The following LRBA variants were observed in gnomAD, a reference collection of about 807,000 sequenced individuals.
The protein encoded by LRBA is lipopolysaccharide-responsive and beige-like anchor protein.
LRBA carries 176 observed loss-of-function variants against 330.0 expected under a neutral mutation model. That is an observed-to-expected ratio of 0.53 (90% CI 0.47 to 0.60). The LOEUF is 0.60. LRBA is among the 20% of genes least tolerant of loss of function. The probability of loss-of-function intolerance (pLI) is 0.00; values close to 1 mark genes in which losing one functional copy is unlikely to be tolerated. For synonymous variants in LRBA, 1,230 were observed against 1,193.0 expected (o/e 1.03, Z -0.64); for missense variants, 3,259 against 3,444.8 (o/e 0.95, Z 1.35).
At chr4:150,712,957 G>A (rs1786378907) in intron 36 of LRBA, among the ~76,000 whole-genome samples, 1 of 152,114 alleles carries the variant, frequency 6.6e-6, no homozygotes, top group South Asian at 2.1e-4. Flanking sequence ...TGTGTTTTGA[G>A]ATAGGGCTTT....
At chr4:150,584,138 C>T (rs1283722806) in intron 40 of LRBA, 2 of 1,504,160 alleles carry the variant, frequency 1.3e-6, no homozygotes, top group Non-Finnish European at 1.8e-6. Flanking sequence ...AAAAGCGACA[C>T]AAACGGGCGT....
chr4:150,696,587 C>G (rs1386866613), intron 36 of LRBA, among the ~76,000 whole-genome samples: 1 of 152,158 alleles, frequency 6.6e-6, no homozygotes, highest in Admixed American at 6.5e-5. Context: ...TAGTCCCTGT[C>G]TTCCAGCATC....
intron 46 of LRBA, among the ~76,000 whole-genome samples, chr4:150,428,094 T>C (rs1381031501): frequency 6.6e-6 from 1 of 152,040 alleles, no homozygotes; most frequent in Admixed American, 6.6e-5. Flanking sequence ...TTTAAAACTT[T>C]TTAAGGGTTA....
intron 33 of LRBA, among the ~76,000 whole-genome samples, chr4:150,805,076 T>C (rs1742362608): frequency 6.6e-6 from 1 of 152,074 alleles, no homozygotes; most frequent in Admixed American, 6.6e-5. Context: ...ATCTGTTTTC[T>C]GAGGAAATTT....
At chr4:150,719,850 C>T (rs901173910) in intron 36 of LRBA, among the ~76,000 whole-genome samples, 1 of 152,064 alleles carries the variant, frequency 6.6e-6, no homozygotes, top group Non-Finnish European at 1.5e-5. Context: ...GAAGTAAACT[C>T]GACTCTACTC....
At chr4:150,869,682 C>A (rs181978633) in intron 20 of LRBA, among the ~76,000 whole-genome samples, 1 of 151,952 alleles carries the variant, frequency 6.6e-6, no homozygotes, top group African/African-American at 2.4e-5. Flanking sequence ...GCACAAGACT[C>A]GGTCTCTAAA....
chr4:150,652,601 T>C (rs1044273444), intron 37 of LRBA, among the ~76,000 whole-genome samples: 1 of 152,194 alleles, frequency 6.6e-6, no homozygotes, highest in African/African-American at 2.4e-5. Context: ...CAGATAAAAT[T>C]AATTCTAATA....
intron 37 of LRBA, among the ~76,000 whole-genome samples, chr4:150,623,040 T>C (rs1465010453): frequency 6.6e-6 from 1 of 152,114 alleles, no homozygotes; most frequent in African/African-American, 2.4e-5. Flanking sequence ...CCCTTACTTC[T>C]GCTGGGCTGC....
intron 4 of LRBA, among the ~76,000 whole-genome samples, chr4:150,926,904 C>T (rs1361156597): frequency 2.6e-5 from 4 of 151,666 alleles, no homozygotes; most frequent in South Asian, 2.1e-4. Context: ...AACCCTGTCT[C>T]TACTAAAAAT....
chr4:150,971,039 A>G (rs766402015), intron 2 of LRBA, among the ~76,000 whole-genome samples: 6 of 152,204 alleles, frequency 3.9e-5, no homozygotes, highest in Non-Finnish European at 5.9e-5. Context: ...GATTCCATGC[A>G]AGATACTGCC....
intron 37 of LRBA, among the ~76,000 whole-genome samples, chr4:150,635,695 T>A (rs1042990213): frequency 6.6e-6 from 1 of 152,174 alleles, no homozygotes; most frequent in African/African-American, 2.4e-5. Flanking sequence ...AAACAAGGAC[T>A]TTGTTCTACA....
chr4:150,636,663 A>C (rs755334692), intron 37 of LRBA, among the ~76,000 whole-genome samples: 3 of 152,106 alleles, frequency 2.0e-5, no homozygotes, highest in Non-Finnish European at 4.4e-5. Context: ...ACGATGGCTC[A>C]TGCCCGTAAT....
At chr4:150,860,627 A>C (rs1751782938) in intron 22 of LRBA, among the ~76,000 whole-genome samples, 1 of 152,074 alleles carries the variant, frequency 6.6e-6, no homozygotes, top group Admixed American at 6.6e-5. Context: ...GGAGATCGAG[A>C]CCATCCTGGC....
intron 37 of LRBA, among the ~76,000 whole-genome samples, chr4:150,675,794 CAGTA>C (rs746189715): frequency 5.9e-5 from 9 of 152,136 alleles, no homozygotes; most frequent in South Asian, 2.1e-4. Flanking sequence ...ATTAATTGCT[CAGTA>C]AGTATCACCT....
At chr4:150,691,187 C>T (rs1402912501) in intron 36 of LRBA, among the ~76,000 whole-genome samples, 1 of 152,030 alleles carries the variant, frequency 6.6e-6, no homozygotes, top group Admixed American at 6.6e-5. Flanking sequence ...GCCTTGGCCT[C>T]CCAAAGTGCT....
chr4:150,624,858 T>G (rs972120424), intron 37 of LRBA, among the ~76,000 whole-genome samples: 16 of 152,178 alleles, frequency 1.1e-4, no homozygotes, highest in African/African-American at 3.9e-4. Flanking sequence ...TTTTAAAATG[T>G]CAAACACATT....
chr4:150,987,127 CAATT>C (rs2149617212), intron 2 of LRBA, among the ~76,000 whole-genome samples: 1 of 152,262 alleles, frequency 6.6e-6, no homozygotes, highest in African/African-American at 2.4e-5. Flanking sequence ...CATCTATAAC[CAATT>C]AATTGGCATT....
In LRBA at chr4:150,872,935, A is replaced by G. The variant is rs1439381192; in HGVS notation, c.2166-180T>C. On this transcript the variant is annotated intron_variant, in intron 17 of 56. Coordinates refer to ENST00000651943, the MANE Select transcript of LRBA (RefSeq NM_001364905.1). ...CAGGCTAGAGTTCCTTTCAATGAAAACTAAGAAATGAGAAGAAATTGGAAT... is the reference window on the plus strand; with the variant it reads ...CAGGCTAGAGTTCCTTTCAATGAAAGCTAAGAAATGAGAAGAAATTGGAAT... 2.0e-5 allele frequency among the ~76,000 whole-genome samples: 3 copies of G among 152,158 alleles called. No individual in the cohort carries two copies. In the East Asian group the frequency reaches 5.8e-4, roughly 29 times the overall value.
Position 150,844,661 on chromosome 4 carries a change from C to A in LRBA, c.4458G>T (p.Ala1486=), listed in dbSNP as rs191487039. The stretch of plus-strand genomic sequence containing the variant: ...ATTAATTAATCTGTATACTTACCTT[C>A]GCTGCAGATTTCCCTAAAGGAATAA... ...HSLIPLGKSA[A]KSPVDIVTGG... is the part of the protein sequence containing the mutation. The change falls in exon 27 of 57, where the codon GCG becomes GCT. Residue 1486 remains alanine (A), a synonymous_variant. Transcript: ENST00000651943. The A allele has an allele frequency of 6.2e-7, 1 of 1,610,924 alleles. No homozygotes were observed. Among genetic ancestry groups the A allele is most frequent in the South Asian group, 1.1e-5 (1 of 90,286 alleles).
Sources: gnomAD v4.1 joint callset for allele counts (sites outside exome capture counted in the v4.1 genomes callset) on GRCh38, gnomAD v4.1.1 for gene constraint, MANE v1.5 for transcripts, NCBI Gene and HGNC (gene_info 2026-07-23, HGNC 2026-07-21) for gene names.